The following STRN3 variants were observed in gnomAD, a reference collection of about 807,000 sequenced individuals.
STRN3 encodes striatin-3.
A neutral mutation model predicts 95.6 loss-of-function variants in STRN3; 29 were observed. That is an observed-to-expected ratio of 0.30 (90% CI 0.23 to 0.41). The LOEUF is 0.41. Among genes scored for constraint, STRN3 ranks in the 10% least tolerant of loss-of-function variants. The probability of loss-of-function intolerance (pLI) is 1.00; values close to 1 mark genes in which losing one functional copy is unlikely to be tolerated. For synonymous variants in STRN3, 331 were observed against 357.6 expected (o/e 0.93, Z 0.84); for missense variants, 890 against 972.1 (o/e 0.92, Z 1.12).
chr14:30,915,990 A>G (rs1346688489), intron 9 of STRN3, among the ~76,000 whole-genome samples: 1 of 152,142 alleles, frequency 6.6e-6, no homozygotes, highest in East Asian at 1.9e-4. Flanking sequence ...CTATATACAC[A>G]CATATATTTT....
In STRN3 at chr14:30,935,248, T is replaced by A; in HGVS notation, c.903A>T (p.Ala301=). ...DLTDDPDTEE[A]LKEFDFLVTA... Reference sequence around the variant, plus strand: ...TCACTAAAAAATCAAATTCTTTCAGTGCTTCCTCAGTATCAGGATCGTCAG... The same window carrying A: ...TCACTAAAAAATCAAATTCTTTCAGAGCTTCCTCAGTATCAGGATCGTCAG... Residue 301 remains alanine, a synonymous_variant, in exon 7 of 18, where the codon GCA becomes GCT. Coordinates refer to ENST00000357479, the MANE Select transcript of STRN3 (RefSeq NM_001083893.2). 2 of 1,614,136 alleles carry A rather than the reference T, an allele frequency of 1.2e-6. No homozygotes were observed. The highest frequency in any genetic ancestry group is 3.3e-5 in the Admixed American group (2 of 60,018).
chr14:31,025,844 CCA>C, intron 1 of STRN3, 58 bp downstream of exon 1: 1 of 1,555,290 alleles, frequency 6.4e-7, no homozygotes, highest in Admixed American at 1.9e-5. Context: ...GTCCCCAGCC[CCA>C]CCCCCCGGCC....
At chr14:30,983,429 C>T (rs1881507896) in intron 1 of STRN3, among the ~76,000 whole-genome samples, 1 of 152,188 alleles carries the variant, frequency 6.6e-6, no homozygotes, top group Admixed American at 6.5e-5. Context: ...CCTGTAATCC[C>T]AGCTACTCCG....
At chr14:30,955,011 C>T (rs1879832440) in intron 3 of STRN3, among the ~76,000 whole-genome samples, 1 of 151,492 alleles carries the variant, frequency 6.6e-6, no homozygotes, top group African/African-American at 2.4e-5. Context: ...ATAATCATGG[C>T]TCGGAAAAAG....
At chr14:30,953,284 T>C (rs369287301) in intron 3 of STRN3, among the ~76,000 whole-genome samples, 2 of 152,160 alleles carry the variant, frequency 1.3e-5, no homozygotes, top group African/African-American at 4.8e-5. Context: ...CCCAAAAGCC[T>C]TTCTTGTGCC....
Position 30,905,566 on chromosome 14 carries a change from G to C in STRN3, c.1889-8C>G. 1 of 1,594,988 alleles carries C rather than the reference G, an allele frequency of 6.3e-7. No homozygotes were observed. The highest frequency in any genetic ancestry group is 8.5e-7 in the Non-Finnish European group (1 of 1,173,874). ...ATGTAGGTATTCCATGCTCTGAAATGAGCCCAAAGACAGACAATGTAAACA... is the reference window on the plus strand; with the variant it reads ...ATGTAGGTATTCCATGCTCTGAAATCAGCCCAAAGACAGACAATGTAAACA... On this transcript the variant is annotated splice_polypyrimidine_tract_variant and splice_region_variant and intron_variant, in intron 14 of 17. Coordinates refer to ENST00000357479, the MANE Select transcript of STRN3 (RefSeq NM_001083893.2).
At chr14:30,965,927 A>G (rs1880476863) in intron 1 of STRN3, among the ~76,000 whole-genome samples, 1 of 152,064 alleles carries the variant, frequency 6.6e-6, no homozygotes, top group Non-Finnish European at 1.5e-5. Context: ...TTTAAACTTA[A>G]CTTCCTCATA....
At position 30,996,838 on chromosome 14, in the gene STRN3, G is replaced by A. The variant is rs76833982; in HGVS notation, c.282+29066C>T. ...CCGAGATCGTGCCACTGCACTCAGG[G>A]CTGGGTGACAGAGCGAGACTCCATC... On this transcript the variant is annotated intron_variant, in intron 1 of 17. Transcript: ENST00000357479. Among the ~76,000 whole-genome samples the A allele has an allele frequency of 8.7e-3, 785 of 90,010 alleles. 4 individuals are homozygous for A. The highest frequency in any genetic ancestry group is 0.03 in the African/African-American group (728 of 23,956). The allele number at this position is 90,010 out of a possible 152,430, so 59.1% of individuals were successfully genotyped here.
chr14:30,918,522 G>GA (rs5807607), intron 9 of STRN3, among the ~76,000 whole-genome samples: 22 of 148,818 alleles, frequency 1.5e-4, no homozygotes, highest in Admixed American at 4.0e-4. Context: ...GAAAAAAAAA[G>GA]AAAAAAAAAA....
intron 3 of STRN3, among the ~76,000 whole-genome samples, chr14:30,954,194 T>C (rs149604041): frequency 8.9e-4 from 135 of 152,336 alleles, no homozygotes; most frequent in African/African-American, 3.0e-3. Flanking sequence ...TCCTCTTCTA[T>C]GGTGTGTCTT....
chr14:30,897,721 C>T (rs1896196816), intron 16 of STRN3, among the ~76,000 whole-genome samples: 1 of 152,168 alleles, frequency 6.6e-6, no homozygotes, highest in Admixed American at 6.5e-5. Flanking sequence ...CTCATTAATA[C>T]TAAGAGTAAT....
chr14:30,996,098 C>A (rs1408341635), intron 1 of STRN3, among the ~76,000 whole-genome samples: 1 of 152,208 alleles, frequency 6.6e-6, no homozygotes, highest in Non-Finnish European at 1.5e-5. Flanking sequence ...ATTCCTTTCA[C>A]AGACACTGAT....
chr14:31,006,555 G>A (rs1277477591), intron 1 of STRN3, among the ~76,000 whole-genome samples: 4 of 152,064 alleles, frequency 2.6e-5, no homozygotes, highest in African/African-American at 9.7e-5. Flanking sequence ...AAAAGGCTGG[G>A]CATGGTGGTG....
chr14:31,014,818 A>G (rs1443288560), intron 1 of STRN3: 6 of 421,158 alleles, frequency 1.4e-5, no homozygotes, highest in East Asian at 7.3e-5. Flanking sequence ...CACTTTAAAA[A>G]AAAAAAAAAA....
At chr14:30,919,515 T>C (rs1334794459) in intron 8 of STRN3, among the ~76,000 whole-genome samples, 1 of 152,126 alleles carries the variant, frequency 6.6e-6, no homozygotes, top group Non-Finnish European at 1.5e-5. Flanking sequence ...CAAGGGCTTT[T>C]CAACATAATT....
At chr14:30,951,006 A>T in intron 3 of STRN3, 62 bp from the exon 4 acceptor site, 1 of 1,396,976 alleles carries the variant, frequency 7.2e-7, no homozygotes, top group Non-Finnish European at 9.9e-7. Flanking sequence ...ATATTGCCAA[A>T]GTTTTCTTAG....
chr14:30,895,344 T>C lies in STRN3; in HGVS notation c.*67A>G. The C allele has an allele frequency of 6.8e-7, 1 of 1,480,276 alleles. No individual in the cohort carries two copies. The highest frequency in any genetic ancestry group is 9.0e-7 in the Non-Finnish European group (1 of 1,109,146). The allele number at this position is 1,480,276 out of a possible 1,614,324, so 91.7% of individuals were successfully genotyped here. ...TGTAGTGTCATATCAGTAACCTTTC[T>C]GATGGCAGTGATGCAGACCCTCTTT... On this transcript the variant is annotated 3_prime_UTR_variant, in exon 18 of 18. Transcript: ENST00000357479.
At chr14:30,920,458 T>C (rs966133464) in intron 8 of STRN3, among the ~76,000 whole-genome samples, 1 of 152,180 alleles carries the variant, frequency 6.6e-6, no homozygotes, top group African/African-American at 2.4e-5. Context: ...AACATTATTC[T>C]TTCTCACAAA....
intron 1 of STRN3, among the ~76,000 whole-genome samples, chr14:30,999,429 T>C (rs145226151): frequency 6.6e-5 from 10 of 152,066 alleles, no homozygotes; most frequent in African/African-American, 2.2e-4. Context: ...AAGGAAAACA[T>C]ATGAGAATGA....
Sources: gnomAD v4.1 joint callset for allele counts (sites outside exome capture counted in the v4.1 genomes callset) on GRCh38, gnomAD v4.1.1 for gene constraint, MANE v1.5 for transcripts, NCBI Gene and HGNC (gene_info 2026-07-23, HGNC 2026-07-21) for gene names.